The following GABRG2 variants were observed in gnomAD, a reference collection of about 807,000 sequenced individuals.
The protein encoded by GABRG2 is gamma-aminobutyric acid receptor subunit gamma-2.
A neutral mutation model predicts 56.4 loss-of-function variants in GABRG2; 16 were observed. The observed-to-expected ratio is 0.28, with a 90% CI of 0.19 to 0.43. GABRG2 has a LOEUF of 0.43. GABRG2 is among the 20% of genes least tolerant of loss of function. The pLI is 1.00. For synonymous variants in GABRG2, 208 were observed against 205.5 expected, an observed-to-expected ratio of 1.01 and a Z score of -0.10; for missense variants, 327 against 582.7, an observed-to-expected ratio of 0.56 and a Z score of 4.52.
At chr5:162,137,106 T>C (rs1764190498) in intron 6 of GABRG2, among the ~76,000 whole-genome samples, 1 of 152,084 alleles carries the variant, frequency 6.6e-6, no homozygotes, top group Non-Finnish European at 1.5e-5. Context: ...CTGATTAATT[T>C]GGAAATCTTT....
intron 1 of GABRG2, among the ~76,000 whole-genome samples, chr5:162,087,968 A>G (rs1760258930): frequency 6.6e-6 from 1 of 152,164 alleles, no homozygotes; most frequent in Admixed American, 6.6e-5. Flanking sequence ...AATTTTAAGT[A>G]GGACAATTTG....
intron 7 of GABRG2, 122 bp from the exon 8 acceptor site, chr5:162,148,986 C>T (rs1001554354): frequency 1.2e-6 from 1 of 821,788 alleles, no homozygotes; most frequent in Non-Finnish European, 2.1e-6. Flanking sequence ...TCCACTTATA[C>T]CTCCTTTCCC....
At position 162,077,565 on chromosome 5, in the gene GABRG2, G is replaced by T. The variant is rs528386363; in HGVS notation, c.107+9459G>T. Among the ~76,000 whole-genome samples the T allele has an allele frequency of 4.6e-5, 7 of 152,286 alleles. No individual in the cohort carries two copies. The South Asian group carries it at 1.2e-3, about 27-fold the overall frequency. ...TTAGCAAAACACTATTTCAATGTAT[G>T]ACAGTTTAAGTTACTTTAAGTCATT... On this transcript the variant is annotated intron_variant, in intron 1 of 9. Coordinates refer to ENST00000639213, the MANE Select transcript of GABRG2 (RefSeq NM_198904.4).
At chr5:162,133,799 C>T (rs932088453) in intron 6 of GABRG2, among the ~76,000 whole-genome samples, 1 of 152,094 alleles carries the variant, frequency 6.6e-6, no homozygotes, top group Non-Finnish European at 1.5e-5. Flanking sequence ...CAGCAAAGAC[C>T]TAGCTCCATG....
chr5:162,104,139 A>G (rs967913378), intron 6 of GABRG2, 113 bp downstream of exon 6: 1 of 980,878 alleles, frequency 1.0e-6, no homozygotes, highest in African/African-American at 1.6e-5. Flanking sequence ...AGAAAATTAA[A>G]TGAAGTGTTT....
intron 1 of GABRG2, among the ~76,000 whole-genome samples, chr5:162,078,325 T>G (rs758664666): frequency 6.8e-6 from 1 of 146,276 alleles, no homozygotes; most frequent in Non-Finnish European, 1.5e-5. Context: ...ACACTGGGTT[T>G]ATTTTCCTGT....
At chr5:162,136,244 T>C (rs1764114875) in intron 6 of GABRG2, among the ~76,000 whole-genome samples, 1 of 152,140 alleles carries the variant, frequency 6.6e-6, no homozygotes, top group Non-Finnish European at 1.5e-5. Context: ...ATATGTACTC[T>C]AGAAAGAAAA....
chr5:162,141,745 A>T (rs1373979948), intron 6 of GABRG2, among the ~76,000 whole-genome samples: 1 of 152,218 alleles, frequency 6.6e-6, no homozygotes, highest in Admixed American at 6.5e-5. Context: ...TATGTTTTTT[A>T]TAAAGATTTT....
rs544200148 is a variant in GABRG2, at chr5:162,069,830, T to C, written c.107+1724T>C. On this transcript the variant is annotated intron_variant, in intron 1 of 9. Transcript: ENST00000639213. Reference sequence around the variant, plus strand: ...TATACTTAAGGTTGTGGATAGCTATTAATTTGTTTCGGAAATTAGAAAACA... The same window carrying C: ...TATACTTAAGGTTGTGGATAGCTATCAATTTGTTTCGGAAATTAGAAAACA... Among the ~76,000 whole-genome samples, 9 of 152,292 alleles carry C rather than the reference T, an allele frequency of 5.9e-5. No individual in the cohort carries two copies. In the East Asian group the frequency reaches 1.4e-3, roughly 23 times the overall value.
At chr5:162,120,882 G>T (rs1762937132) in intron 6 of GABRG2, among the ~76,000 whole-genome samples, 1 of 152,014 alleles carries the variant, frequency 6.6e-6, no homozygotes, top group African/African-American at 2.4e-5. Flanking sequence ...AGCCAGCATT[G>T]CTTTCTTTAA....
chr5:162,111,452 G>T (rs1033057355), intron 6 of GABRG2, among the ~76,000 whole-genome samples: 2 of 152,058 alleles, frequency 1.3e-5, no homozygotes, highest in African/African-American at 4.8e-5. Context: ...GAAGTTCTGT[G>T]AAATCAAAGG....
rs959725791 is a variant in GABRG2, at chr5:162,153,691, C to G, written c.*323C>G. The G allele has an allele frequency of 2.4e-6, 1 of 415,548 alleles. No homozygotes were observed. Among genetic ancestry groups the G allele is most frequent in the Admixed American group, 3.8e-5 (1 of 26,298 alleles). The allele number at this position is 415,548 out of a possible 1,614,324, so 25.7% of individuals were successfully genotyped here. ...CCTGACTATTTACAGTAGTGGTATC[C>G]TTACTAGATTCATAATGCAATTAGA... On this transcript the variant is annotated 3_prime_UTR_variant, in exon 10 of 10. Coordinates refer to ENST00000639213, the MANE Select transcript of GABRG2 (RefSeq NM_198904.4).
At position 162,103,834 on chromosome 5, in the gene GABRG2, C is replaced by T. The variant is rs11575990; in HGVS notation, c.632-55C>T. On this transcript the variant is annotated intron_variant, in intron 5 of 9. Coordinates refer to ENST00000639213, the MANE Select transcript of GABRG2 (RefSeq NM_198904.4). ...GTGTCATGTTCATAGAAGATGGTTG[C>T]TACATATGCTAATTTATAATCATTT... 8.0e-5 allele frequency: 127 copies of T among 1,592,060 alleles called. 1 individual carries two copies. In the East Asian group the frequency reaches 2.8e-3, roughly 35 times the overall value.
At chr5:162,110,811 A>G (rs1762199323) in intron 6 of GABRG2, among the ~76,000 whole-genome samples, 1 of 152,166 alleles carries the variant, frequency 6.6e-6, no homozygotes. Flanking sequence ...GCAGCGTAAT[A>G]TCTTAAAATA....
At chr5:162,110,952 G>C (rs1024813334) in intron 6 of GABRG2, among the ~76,000 whole-genome samples, 3 of 152,060 alleles carry the variant, frequency 2.0e-5, no homozygotes, top group African/African-American at 7.2e-5. Flanking sequence ...AGCAGCCATG[G>C]GGAAGTCACT....
chr5:162,110,526 G>A (rs146334876), intron 6 of GABRG2, among the ~76,000 whole-genome samples: 1,806 of 152,000 alleles, frequency 0.012, 12 homozygotes, highest in Non-Finnish European at 0.017. Context: ...GGAGACATGC[G>A]TAAAACTTGA....
chr5:162,081,780 G>A (rs1456385878), intron 1 of GABRG2, among the ~76,000 whole-genome samples: 1 of 151,932 alleles, frequency 6.6e-6, no homozygotes, highest in Admixed American at 6.6e-5. Flanking sequence ...AGTGTGGTGA[G>A]GATGTGAAGC....
chr5:162,102,176 G>A (rs966500978), intron 5 of GABRG2: 2 of 188,690 alleles, frequency 1.1e-5, no homozygotes, highest in South Asian at 1.9e-4. Context: ...AATACCAGAG[G>A]AAACCAGAGG....
intron 6 of GABRG2, among the ~76,000 whole-genome samples, chr5:162,129,626 C>A (rs370533673): frequency 1.3e-3 from 198 of 151,598 alleles, no homozygotes; most frequent in African/African-American, 4.7e-3. Context: ...TTTTCATCTG[C>A]GAAAAAAACA....
Sources: allele counts gnomAD v4.1 joint callset (sites outside exome capture counted in the v4.1 genomes callset), GRCh38; gene constraint gnomAD v4.1.1; transcripts MANE v1.5; gene names NCBI Gene and HGNC (gene_info 2026-07-23, HGNC 2026-07-21).